The following MED13L variants were observed in gnomAD, a reference collection of about 807,000 sequenced individuals.
MED13L encodes the protein mediator complex subunit 13L.
MED13L carries 7 observed loss-of-function variants against 220.9 expected under a neutral mutation model. The ratio of observed to expected loss-of-function variants is 0.03; its 90% CI spans 0.02 to 0.06. MED13L has a LOEUF of 0.06. Among genes scored for constraint, MED13L ranks in the 10% least tolerant of loss-of-function variants. The pLI, the probability that MED13L is intolerant of heterozygous loss-of-function variation, is 1.00. For missense variants in MED13L, 1,965 were observed against 2,760.5 expected, an observed-to-expected ratio of 0.71 and a Z score of 6.46; for synonymous variants, 1,011 against 1,015.2, an observed-to-expected ratio of 1.00 and a Z score of 0.08.
chr12:116,060,731 G>C (rs1293030135), intron 4 of MED13L, among the ~76,000 whole-genome samples: 3 of 152,024 alleles, frequency 2.0e-5, no homozygotes, highest in Non-Finnish European at 4.4e-5. Flanking sequence ...CAGATGTTAA[G>C]AGCAACAGTA....
At chr12:116,121,528 A>AG (rs1875093211) in intron 2 of MED13L, among the ~76,000 whole-genome samples, 1 of 152,112 alleles carries the variant, frequency 6.6e-6, no homozygotes, top group African/African-American at 2.4e-5. Flanking sequence ...AAATGGGAGG[A>AG]GGGAGAATGG....
At position 115,993,001 on chromosome 12, in the gene MED13L, A is replaced by T. The variant is rs78903775; in HGVS notation, c.2997-1044T>A. The stretch of plus-strand genomic sequence containing the variant: ...GGAAAATCAAAATAAAAATACAATT[A>T]AAAAAAAAACAACAGTTAAAAAACA... On this transcript the variant is annotated intron_variant, in intron 16 of 30. Coordinates refer to ENST00000281928, the MANE Select transcript of MED13L (RefSeq NM_015335.5). Among the ~76,000 whole-genome samples the T allele has an allele frequency of 3.5e-5, 5 of 142,226 alleles. No individual in the cohort carries two copies. The East Asian group carries it at 5.8e-4, about 17-fold the overall frequency. 93.3% of individuals were successfully genotyped at this position (142,226 alleles called of 152,430 possible).
At chr12:116,128,514 G>A (rs1875795812) in intron 2 of MED13L, among the ~76,000 whole-genome samples, 1 of 151,830 alleles carries the variant, frequency 6.6e-6, no homozygotes, top group African/African-American at 2.4e-5. Context: ...TTACTGTCAT[G>A]AAGTGGGTCT....
chr12:116,261,508 A>C (rs992118187), intron 1 of MED13L, among the ~76,000 whole-genome samples: 2 of 152,044 alleles, frequency 1.3e-5, no homozygotes, highest in East Asian at 3.9e-4. Context: ...AAAAAAAAAA[A>C]AAACTCTGGA....
At chr12:115,984,705 T>C (rs1319810089) in intron 19 of MED13L, among the ~76,000 whole-genome samples, 2 of 152,170 alleles carry the variant, frequency 1.3e-5, no homozygotes, top group South Asian at 2.1e-4. Flanking sequence ...CTGCCTACTG[T>C]TGCTAACTGA....
At chr12:116,020,040 A>G (rs1181139000) in intron 5 of MED13L, 68 bp from the exon 6 acceptor site, 1 of 1,364,624 alleles carries the variant, frequency 7.3e-7, no homozygotes, top group Non-Finnish European at 1.0e-6. Flanking sequence ...GCAACACTAC[A>G]TATGTGGTAA....
intron 4 of MED13L, among the ~76,000 whole-genome samples, chr12:116,084,451 A>AT (rs2064008204): frequency 6.6e-6 from 1 of 152,312 alleles, no homozygotes; most frequent in East Asian, 1.9e-4. Context: ...ACATATTGTT[A>AT]AGAGAGATCA....
chr12:116,166,225 T>C (rs540711949), intron 2 of MED13L, among the ~76,000 whole-genome samples: 87 of 151,966 alleles, frequency 5.7e-4, no homozygotes, highest in African/African-American at 1.8e-3. Flanking sequence ...GTCAACTTGA[T>C]TGGATAGAGG....
intron 2 of MED13L, among the ~76,000 whole-genome samples, chr12:116,149,223 G>C (rs1209999753): frequency 1.3e-5 from 2 of 152,062 alleles, no homozygotes; most frequent in Non-Finnish European, 2.9e-5. Flanking sequence ...AGGCATTCTT[G>C]ATTATGTTTA....
chr12:116,110,142 A>G (rs1208176003), intron 3 of MED13L: 2 of 152,150 alleles, frequency 1.3e-5, no homozygotes, highest in Non-Finnish European at 2.9e-5. Flanking sequence ...CCCTCAAAAC[A>G]CTATTCAGAG....
chr12:116,109,221 C>T (rs2137888731), intron 3 of MED13L, among the ~76,000 whole-genome samples: 1 of 151,938 alleles, frequency 6.6e-6, no homozygotes, highest in South Asian at 2.1e-4. Flanking sequence ...CAGGAGCACA[C>T]CATCATGCTC....
chr12:116,150,865 A>G (rs377009648), intron 2 of MED13L, among the ~76,000 whole-genome samples: 5 of 152,250 alleles, frequency 3.3e-5, no homozygotes, highest in South Asian at 2.1e-4. Context: ...AATTTTCTCA[A>G]TCTAAGTTTC....
At position 116,128,329 on chromosome 12, in the gene MED13L, CCAAA is replaced by C. The variant is rs201007693; in HGVS notation, c.311-16821_311-16818del. On this transcript the variant is annotated intron_variant, in intron 2 of 30. Coordinates refer to ENST00000281928, the MANE Select transcript of MED13L (RefSeq NM_015335.5). ...AGGATTTTTATACTACGCAAAATAG[CCAAA>C]CAGACACGTTTATAAAAGGCTTAGC... Among the ~76,000 whole-genome samples, 615 of 152,012 alleles carry C rather than the reference CCAAA, an allele frequency of 4.0e-3. 3 individuals carry two copies. Among genetic ancestry groups the C allele is most frequent in the Non-Finnish European group, 4.3e-3 (292 of 67,978 alleles).
chr12:116,139,340 A>T (rs1478772881), intron 2 of MED13L, among the ~76,000 whole-genome samples: 1 of 152,184 alleles, frequency 6.6e-6, no homozygotes, highest in African/African-American at 2.4e-5. Context: ...GCTAAATTAC[A>T]CTCACCTGGA....
chr12:115,999,906 T>C (rs948919006), intron 14 of MED13L, among the ~76,000 whole-genome samples: 1 of 152,232 alleles, frequency 6.6e-6, no homozygotes, highest in African/African-American at 2.4e-5. Context: ...AGTCACTTTA[T>C]AAAGTGGTCT....
chr12:116,137,733 T>C (rs1211132107), intron 2 of MED13L, among the ~76,000 whole-genome samples: 1 of 152,146 alleles, frequency 6.6e-6, no homozygotes, highest in Non-Finnish European at 1.5e-5. Context: ...ATCTAGACTA[T>C]GGTATTTCTG....
chr12:115,997,099 G>A lies in MED13L; in HGVS notation c.2701C>T (p.Pro901Ser). 6.2e-7 allele frequency: 1 copy of A among 1,613,924 alleles called. No homozygotes were observed. Among genetic ancestry groups the A allele is most frequent in the Non-Finnish European group, 8.5e-7 (1 of 1,179,950 alleles). ...TGTGTTGAAACCATACTGACCATAG[G>A]GCTCTCCATCATGCCTAATGCTGTC... Reference protein sequence around the residue: ...TVTALGMMESPMVSMVSTQLT... With the variant: ...TVTALGMMESSMVSMVSTQLT... The change falls in exon 15 of 31, where the codon CCT becomes TCT. Residue 901 changes from proline (P) to serine (S), a missense_variant. Pro to Ser is a moderately conservative substitution (Grantham distance 74, BLOSUM62 -1). This residue lies in a region of MED13L where 233 missense variants were observed against 306.2 expected (regional missense o/e 0.76). Coordinates refer to ENST00000281928, the MANE Select transcript of MED13L (RefSeq NM_015335.5).
chr12:116,046,255 CA>C, intron 4 of MED13L, among the ~76,000 whole-genome samples: 1 of 151,874 alleles, frequency 6.6e-6, no homozygotes, highest in Admixed American at 6.5e-5. Flanking sequence ...TTTGAATAGT[CA>C]GTGTAAAAAA....
intron 1 of MED13L, among the ~76,000 whole-genome samples, chr12:116,248,591 G>A (rs1871266464): frequency 6.6e-6 from 1 of 152,186 alleles, no homozygotes; most frequent in South Asian, 2.1e-4. Flanking sequence ...TAACTCAAGG[G>A]CTAGCAAACT....
Sources: gnomAD v4.1 joint callset for allele counts (sites outside exome capture counted in the v4.1 genomes callset) on GRCh38, gnomAD v4.1.1 for gene constraint, gnomAD v4.1.1 regional missense constraint, MANE v1.5 for transcripts, NCBI Gene and HGNC (gene_info 2026-07-23, HGNC 2026-07-21) for gene names.